Variants in ABCB11 observed in about 807,000 individuals in gnomAD.
ABCB11 encodes the protein ATP binding cassette subfamily B member 11.
Under a neutral mutation model 148.0 loss-of-function variants are expected in ABCB11, and 95 were observed. The observed-to-expected ratio is 0.64, with a 90% CI of 0.54 to 0.76. The LOEUF is 0.76. Ranked by LOEUF, ABCB11 falls within the 30% of genes least tolerant of loss-of-function variation. The probability of loss-of-function intolerance (pLI) is 0.00; values close to 1 mark genes in which losing one functional copy is unlikely to be tolerated. For missense variants in ABCB11, 1,523 were observed against 1,617.8 expected, an observed-to-expected ratio of 0.94 and a Z score of 1.01; for synonymous variants, 591 against 555.4, an observed-to-expected ratio of 1.06 and a Z score of -0.90.
intron 25 of ABCB11, among the ~76,000 whole-genome samples, chr2:168,927,670 G>A (rs1691377566): frequency 2.0e-5 from 3 of 152,050 alleles, no homozygotes; most frequent in African/African-American, 4.8e-5. Flanking sequence ...CCTTACTTTG[G>A]TGCAGCACAC....
chr2:168,966,254 G>A (rs1358843209), intron 17 of ABCB11, among the ~76,000 whole-genome samples: 4 of 151,914 alleles, frequency 2.6e-5, no homozygotes, highest in African/African-American at 9.7e-5. Context: ...CAGAGCAATG[G>A]ATGCCAAGGT....
At chr2:168,985,732 A>C (rs1352541171) in intron 10 of ABCB11, among the ~76,000 whole-genome samples, 1 of 152,078 alleles carries the variant, frequency 6.6e-6, no homozygotes, top group Non-Finnish European at 1.5e-5. Flanking sequence ...CATAAGTGGG[A>C]GCTAAGCTAT....
intron 21 of ABCB11, among the ~76,000 whole-genome samples, chr2:168,940,362 G>A (rs1020170726): frequency 2.0e-5 from 3 of 152,080 alleles, no homozygotes; most frequent in African/African-American, 7.2e-5. Flanking sequence ...AAAGTGAAGT[G>A]AACCAGCTTT....
chr2:168,948,593 T>G (rs370283695), intron 19 of ABCB11, among the ~76,000 whole-genome samples: 4 of 151,432 alleles, frequency 2.6e-5, no homozygotes, highest in Non-Finnish European at 3.0e-5. Context: ...CACAGCACCA[T>G]GTCTGGGGAA....
At chr2:168,975,224 G>T (rs1283568215) in intron 12 of ABCB11, among the ~76,000 whole-genome samples, 9 of 87,824 alleles carry the variant, frequency 1.0e-4, no homozygotes, top group East Asian at 3.8e-4. Flanking sequence ...AATATTTATA[G>T]ATAAATATAT....
At chr2:169,014,664 T>G (rs981568009) in intron 3 of ABCB11, among the ~76,000 whole-genome samples, 1 of 152,156 alleles carries the variant, frequency 6.6e-6, no homozygotes, top group Admixed American at 6.5e-5. Context: ...TTGCCCTCAG[T>G]CATGACCCTC....
In ABCB11 at chr2:168,923,346, G is replaced by A. The variant is rs953751876; in HGVS notation, c.*276C>T. 1 of 532,186 alleles carries A rather than the reference G, an allele frequency of 1.9e-6. No homozygotes were observed. Among genetic ancestry groups the A allele is most frequent in the African/African-American group, 1.9e-5 (1 of 52,816 alleles). The allele number at this position is 532,186 out of a possible 1,614,324, so 33.0% of individuals were successfully genotyped here. ...TGGCTCCTGCACAGAGAAGCACTGAGTGGTGGCTGAGCTGCCACTTGACAT... is the reference window on the plus strand; with the variant it reads ...TGGCTCCTGCACAGAGAAGCACTGAATGGTGGCTGAGCTGCCACTTGACAT... On this transcript the variant is annotated 3_prime_UTR_variant, in exon 28 of 28. Coordinates refer to ENST00000650372, the MANE Select transcript of ABCB11 (RefSeq NM_003742.4).
intron 6 of ABCB11, 143 bp from the exon 7 acceptor site, chr2:168,995,625 T>A (rs1694688807): frequency 1.2e-6 from 1 of 844,054 alleles, no homozygotes; most frequent in Admixed American, 3.0e-5. Flanking sequence ...GGAACTAAGA[T>A]GTGAGCTCTG....
Position 169,004,660 on chromosome 2 carries a change from C to A in ABCB11, c.390-7938G>T, listed in dbSNP as rs919621819. ...AGCTTAATAATCAACCTTCTAAAGT[C>A]TTTTTCTGGCAATTCAGAGATTTCA... On this transcript the variant is annotated intron_variant, in intron 5 of 27. Transcript: ENST00000650372. Among the ~76,000 whole-genome samples the A allele has an allele frequency of 3.9e-5, 6 of 152,136 alleles. No individual in the cohort carries two copies. The East Asian group carries it at 9.6e-4, about 24-fold the overall frequency.
Position 168,982,909 on chromosome 2 carries a change from C to G in ABCB11, c.1084-2930G>C, listed in dbSNP as rs11901443. Among the ~76,000 whole-genome samples, 689 of 152,200 alleles carry G rather than the reference C, an allele frequency of 4.5e-3. 6 individuals are homozygous for G. The highest frequency in any genetic ancestry group is 0.016 in the African/African-American group (645 of 41,520). On this transcript the variant is annotated intron_variant, in intron 10 of 27. Coordinates refer to ENST00000650372, the MANE Select transcript of ABCB11 (RefSeq NM_003742.4). ...GCTTACAGAAAGACGTTGGGAGTAA[C>G]AGGTTAATAATCAGTTGATTAAAAT...
rs56766143 is a variant in ABCB11 at position 169,031,265 on chromosome 2, C to T, written c.-68G>A. ...TGAGGAAGCCAGAGGAAATAATGGA[C>T]TCCACTGTGGAGAGTTAAAAGGTTT... is the stretch of plus-strand genomic sequence containing the variant. On this transcript the variant is annotated 5_prime_UTR_variant, in exon 1 of 28. Transcript: ENST00000650372. The T allele has an allele frequency of 5.3e-5, 8 of 152,302 alleles. No individual in the cohort carries two copies. The highest frequency in any genetic ancestry group is 5.2e-4 in the Admixed American group (8 of 15,298). The allele number at this position is 152,302 out of a possible 1,614,324, so 9.4% of individuals were successfully genotyped here.
intron 4 of ABCB11, 52 bp from the exon 5 acceptor site, chr2:169,013,562 T>A (rs1695258581): frequency 1.4e-6 from 2 of 1,433,716 alleles, no homozygotes; most frequent in Non-Finnish European, 1.9e-6. Context: ...GCAGGAGAGG[T>A]AGGAGGACTA....
At chr2:168,926,407 G>A (rs549536748) in intron 26 of ABCB11, among the ~76,000 whole-genome samples, 5 of 152,076 alleles carry the variant, frequency 3.3e-5, no homozygotes, top group Non-Finnish European at 5.9e-5. Flanking sequence ...TCATTTTAAC[G>A]TTATTTTCTT....
chr2:169,022,698 A>G (rs1421146067), intron 1 of ABCB11, among the ~76,000 whole-genome samples: 2 of 152,090 alleles, frequency 1.3e-5, no homozygotes, highest in African/African-American at 4.8e-5. Context: ...AAATCATTTT[A>G]TAAAGCAAGT....
At position 168,944,762 on chromosome 2, in the gene ABCB11, T is replaced by A. The variant is rs374548469; in HGVS notation, c.2453A>T (p.Tyr818Phe). The change falls in exon 21 of 28, where the codon TAT (tyrosine) becomes TTT (phenylalanine). Residue 818 changes from tyrosine to phenylalanine, a missense_variant. Transcript: ENST00000650372. ...VSLFTQFLQG[Y>F]AFAKSGELLT... is the part of the protein sequence containing the mutation. ...GAGCTCCCCAGATTTAGCAAAGGCATATCCCTAAAACATGAAGAGGGAGAT... is the reference window on the plus strand; with the variant it reads ...GAGCTCCCCAGATTTAGCAAAGGCAAATCCCTAAAACATGAAGAGGGAGAT... 52 of 1,612,510 alleles carry A rather than the reference T, an allele frequency of 3.2e-5. 1 individual carries two copies. The African/African-American group carries it at 6.5e-4, about 20-fold the overall frequency.
At chr2:168,942,440 A>C (rs1692105842) in intron 21 of ABCB11, among the ~76,000 whole-genome samples, 1 of 151,858 alleles carries the variant, frequency 6.6e-6, no homozygotes, top group Admixed American at 6.6e-5. Context: ...AGGAAAAATT[A>C]GTGTGCAGGG....
intron 5 of ABCB11, among the ~76,000 whole-genome samples, chr2:169,000,834 T>C (rs1379192900): frequency 1.3e-5 from 2 of 152,162 alleles, no homozygotes; most frequent in African/African-American, 4.8e-5. Flanking sequence ...TTTTGATATA[T>C]TAGGGCTTAA....
At chr2:168,994,719 A>G (rs61253258) in intron 7 of ABCB11, among the ~76,000 whole-genome samples, 7,587 of 152,186 alleles carry the variant, frequency 0.05, 629 homozygotes, top group African/African-American at 0.17. Context: ...ATTATATTAA[A>G]TTCATATTCC....
In ABCB11 at chr2:168,944,680, G is replaced by A. The variant is rs1347731818; in HGVS notation, c.2535C>T (p.Ala845=). The change falls in exon 21 of 28, where the codon GCC becomes GCT. Residue 845 remains alanine (A), a synonymous_variant. Coordinates refer to ENST00000650372, the MANE Select transcript of ABCB11 (RefSeq NM_003742.4). The part of the protein sequence containing the change: ...GFRAMLGQDI[A]WFDDLRNSPG... ...GGCTATTTCTGAGGTCATCAAACCA[G>A]GCAATATCTTGCCCCAGCATTGCCC... The A allele has an allele frequency of 1.2e-6, 2 of 1,612,742 alleles. No homozygotes were observed. Among genetic ancestry groups the A allele is most frequent in the African/African-American group, 2.7e-5 (2 of 74,820 alleles).
Sources: gnomAD v4.1 joint callset for allele counts (sites outside exome capture counted in the v4.1 genomes callset) on GRCh38, gnomAD v4.1.1 for gene constraint, MANE v1.5 for transcripts, NCBI Gene and HGNC (gene_info 2026-07-23, HGNC 2026-07-21) for gene names.